The following RAPGEF5 variants were observed in gnomAD, a reference collection of about 807,000 sequenced individuals.
RAPGEF5 encodes Rap guanine nucleotide exchange factor 5.
In RAPGEF5, 65 loss-of-function variants were observed where a neutral mutation model predicts 125.2. The observed-to-expected ratio is 0.52, with a 90% CI of 0.43 to 0.64. The LOEUF is 0.64. Ranked by LOEUF, RAPGEF5 falls within the 30% of genes least tolerant of loss-of-function variation. The pLI is 0.00. For synonymous variants in RAPGEF5, 391 were observed against 385.9 expected (o/e 1.01, Z -0.16); for missense variants, 958 against 1,048.1 (o/e 0.91, Z 1.19).
rs1783956311 is a variant in RAPGEF5, at chr7:22,160,612, T to C, written c.1432A>G (p.Ile478Val). 6.5e-7 allele frequency: 1 copy of C among 1,530,372 alleles called. No individual in the cohort carries two copies. The highest frequency in any genetic ancestry group is 8.8e-7 in the Non-Finnish European group (1 of 1,141,898). 94.8% of individuals were successfully genotyped at this position (1,530,372 alleles called of 1,614,324 possible). ...DEHSKMFLKT[I>V]YRNVLDDVYE... The stretch of plus-strand genomic sequence containing the variant: ...ACATCATCCAGTACATTCCTATATA[T>C]GGTCTGGAGAAAAAAGACAAATGAG... Residue 478 changes from isoleucine to valine, a missense_variant, in exon 14 of 26, where the codon ATA becomes GTA. By Grantham distance (29) the Ile-to-Val change is conservative. Coordinates refer to ENST00000665637, the MANE Select transcript of RAPGEF5 (RefSeq NM_012294.5).
intron 16 of RAPGEF5, among the ~76,000 whole-genome samples, chr7:22,156,255 G>A (rs773019181): frequency 7.2e-4 from 110 of 152,198 alleles, no homozygotes; most frequent in Non-Finnish European, 3.7e-4. Context: ...TCTAAAAGGA[G>A]AAAACCACTG....
intron 9 of RAPGEF5, among the ~76,000 whole-genome samples, chr7:22,205,269 G>T (rs2128129214): frequency 6.6e-6 from 1 of 152,280 alleles, no homozygotes; most frequent in Non-Finnish European, 1.5e-5. Context: ...TACCGGTGAT[G>T]AACCTTCCTG....
intron 1 of RAPGEF5, among the ~76,000 whole-genome samples, chr7:22,326,783 A>G (rs770679128): frequency 2.0e-5 from 3 of 152,218 alleles, no homozygotes; most frequent in Non-Finnish European, 4.4e-5. Flanking sequence ...ATTATACAAG[A>G]TACACTATAA....
chr7:22,131,324 TTACTGAAAGTA>T (rs1396117992), intron 23 of RAPGEF5, among the ~76,000 whole-genome samples: 1 of 152,206 alleles, frequency 6.6e-6, no homozygotes, highest in Non-Finnish European at 1.5e-5. Context: ...CAGTGTGACC[TTACTGAAAGTA>T]TATATTTTGC....
At chr7:22,301,387 G>A (rs992698259) in intron 5 of RAPGEF5, among the ~76,000 whole-genome samples, 8 of 152,030 alleles carry the variant, frequency 5.3e-5, no homozygotes, top group African/African-American at 9.7e-5. Flanking sequence ...AGGCCAAGGC[G>A]GGTGGATCAC....
At chr7:22,286,591 T>C (rs1782803510) in intron 6 of RAPGEF5, among the ~76,000 whole-genome samples, 1 of 152,242 alleles carries the variant, frequency 6.6e-6, no homozygotes, top group Non-Finnish European at 1.5e-5. Context: ...AGAATGTTCA[T>C]GTTTCTATTT....
At chr7:22,229,020 CT>C (rs1312552459) in intron 8 of RAPGEF5, among the ~76,000 whole-genome samples, 1 of 152,026 alleles carries the variant, frequency 6.6e-6, no homozygotes, top group African/African-American at 2.4e-5. Flanking sequence ...ACCATGCATG[CT>C]AGGTACTGTC....
intron 20 of RAPGEF5, among the ~76,000 whole-genome samples, chr7:22,144,021 G>T (rs141972507): frequency 1.4e-3 from 213 of 152,366 alleles, no homozygotes; most frequent in African/African-American, 5.0e-3. Context: ...AGACAAAGGA[G>T]AAATAAAACT....
At chr7:22,344,000 C>A (rs1784178019) in intron 1 of RAPGEF5, among the ~76,000 whole-genome samples, 1 of 152,162 alleles carries the variant, frequency 6.6e-6, no homozygotes, top group Non-Finnish European at 1.5e-5. Context: ...CAAACCCTAG[C>A]CACCCATGTT....
intron 5 of RAPGEF5, among the ~76,000 whole-genome samples, chr7:22,306,056 G>A (rs763521812): frequency 1.2e-4 from 19 of 152,134 alleles, no homozygotes; most frequent in Non-Finnish European, 2.6e-4. Context: ...TTTCTTTTGT[G>A]TATACACTCA....
In RAPGEF5 at chr7:22,122,355, A is replaced by T. The variant is rs1354545912; in HGVS notation, c.*51T>A. 1 of 1,433,930 alleles carries T rather than the reference A, an allele frequency of 7.0e-7. No homozygotes were observed. The allele number at this position is 1,433,930 out of a possible 1,614,324, so 88.8% of individuals were successfully genotyped here. ...GGAAAGCAACGTGCTTGGCATAGACATTCCCGTAGCTCAAAGTGCTGCAGA... is the reference window on the plus strand; with the variant it reads ...GGAAAGCAACGTGCTTGGCATAGACTTTCCCGTAGCTCAAAGTGCTGCAGA... On this transcript the variant is annotated 3_prime_UTR_variant, in exon 26 of 26. Transcript: ENST00000665637.
At chr7:22,139,531 C>T (rs1455881099) in intron 21 of RAPGEF5, among the ~76,000 whole-genome samples, 1 of 152,248 alleles carries the variant, frequency 6.6e-6, no homozygotes, top group Non-Finnish European at 1.5e-5. Context: ...CCCAAACAGC[C>T]TTCGGCGTGC....
intron 9 of RAPGEF5, among the ~76,000 whole-genome samples, chr7:22,210,572 A>C (rs1286710013): frequency 6.6e-6 from 1 of 152,110 alleles, no homozygotes; most frequent in African/African-American, 2.4e-5. Context: ...CTGACATCTT[A>C]ATTGTCTCAT....
At position 22,193,630 on chromosome 7, in the gene RAPGEF5, G is replaced by A. The variant is rs1351721611; in HGVS notation, c.1116-175C>T. 3 of 1,550,638 alleles carry A rather than the reference G, an allele frequency of 1.9e-6. No individual in the cohort carries two copies. The South Asian group carries it at 3.6e-5, about 18-fold the overall frequency. On this transcript the variant is annotated intron_variant, in intron 10 of 25. Transcript: ENST00000665637. ...GGCGGAATCTTTCCTCTCCAAATGA[G>A]GGTCAAAGACCCTCAGCCGGGAGCT...
rs1166494851 is a variant in RAPGEF5, at chr7:22,356,934, G to T, written c.127C>A (p.Arg43Ser). 9 of 1,070,814 alleles carry T rather than the reference G, an allele frequency of 8.4e-6. No individual in the cohort carries two copies. The highest frequency in any genetic ancestry group is 1.0e-5 in the Non-Finnish European group (9 of 887,162). 66.3% of individuals were successfully genotyped at this position (1,070,814 alleles called of 1,614,324 possible). ...CGCAGCGACGCCGGCGGCTGCTCGC[G>T]CTCGGGCTCCCGGGCGCTGGGGCTG... is the stretch of plus-strand genomic sequence containing the variant. ...RRSPSAREPE[R>S]EQPPASLRPR... The change falls in exon 1 of 26, where the codon CGC becomes AGC. Residue 43 changes from arginine to serine, a missense_variant. Arg to Ser is a moderately radical substitution (Grantham distance 110, BLOSUM62 -1). Coordinates refer to ENST00000665637, the MANE Select transcript of RAPGEF5 (RefSeq NM_012294.5).
At chr7:22,308,694 T>A (rs149216678) in intron 4 of RAPGEF5, among the ~76,000 whole-genome samples, 187 bp from the exon 5 acceptor site, 23 of 152,324 alleles carry the variant, frequency 1.5e-4, no homozygotes, top group African/African-American at 5.3e-4. Context: ...ACTAGTCTAT[T>A]TTTACTACTA....
chr7:22,121,481 A>G lies in RAPGEF5; in HGVS notation c.*925T>C, dbSNP rs1156973246. Reference sequence around the variant, plus strand: ...TGTGGGCAAGGAGCCTGTATGAGGTACGCAAAATGCATCATCAGGCACAAG... The same window carrying G: ...TGTGGGCAAGGAGCCTGTATGAGGTGCGCAAAATGCATCATCAGGCACAAG... On this transcript the variant is annotated 3_prime_UTR_variant, in exon 26 of 26. Transcript: ENST00000665637. 4 of 152,214 alleles carry G rather than the reference A, an allele frequency of 2.6e-5. No individual in the cohort carries two copies. The highest frequency in any genetic ancestry group is 5.9e-5 in the Non-Finnish European group (4 of 68,032). The allele number at this position is 152,214 out of a possible 1,614,324, so 9.4% of individuals were successfully genotyped here. A position where few individuals can be genotyped will look rare whatever the true frequency, so the allele number is the denominator to read the frequency against.
Position 22,265,853 on chromosome 7 carries a change from T to C in RAPGEF5, c.796+1111A>G, listed in dbSNP as rs576033631. 5.3e-5 allele frequency among the ~76,000 whole-genome samples: 8 copies of C among 152,322 alleles called. No homozygotes were observed. In the East Asian group the frequency reaches 9.6e-4, roughly 18 times the overall value. On this transcript the variant is annotated intron_variant, in intron 7 of 25. Coordinates refer to ENST00000665637, the MANE Select transcript of RAPGEF5 (RefSeq NM_012294.5). ...TCTTTATTGATGTCCTTTCTCTACA[T>C]TGGCCTCCACCTCTGCAAATATAAT...
At chr7:22,150,625 G>T in intron 17 of RAPGEF5, 121 bp from the exon 18 acceptor site, 2 of 1,332,136 alleles carry the variant, frequency 1.5e-6, no homozygotes, top group East Asian at 2.7e-5. Flanking sequence ...AAAGTAAATA[G>T]AACTTAAAGT....
Sources: gnomAD v4.1 joint callset for allele counts (sites outside exome capture counted in the v4.1 genomes callset) on GRCh38, gnomAD v4.1.1 for gene constraint, MANE v1.5 for transcripts, NCBI Gene and HGNC (gene_info 2026-07-23, HGNC 2026-07-21) for gene names.